The following GRIN1 variants were observed in gnomAD, a reference collection of about 807,000 sequenced individuals.
GRIN1 encodes the protein glutamate receptor ionotropic, NMDA 1.
A neutral mutation model predicts 103.0 loss-of-function variants in GRIN1; 38 were observed. That is an observed-to-expected ratio of 0.37 (90% CI 0.28 to 0.48). The LOEUF is 0.48. GRIN1 is among the 20% of genes least tolerant of loss of function. The pLI is 0.98. For synonymous variants in GRIN1, 544 were observed against 532.7 expected (o/e 1.02, Z -0.29); for missense variants, 577 against 1,288.9 (o/e 0.45, Z 8.46).
intron 2 of GRIN1, 44 bp downstream of exon 2, chr9:137,142,191 G>A (rs1832214826): frequency 6.2e-7 from 1 of 1,609,948 alleles, no homozygotes; most frequent in East Asian, 2.2e-5. Flanking sequence ...CTCGGCCCCA[G>A]GGCACAGCCT....
rs1030721762 is a variant in GRIN1 at position 137,139,410 on chromosome 9, G to A, written c.-77G>A. On this transcript the variant is annotated 5_prime_UTR_variant, in exon 1 of 20. Transcript: ENST00000371561. The surrounding 1 kb of genome is among the most constrained non-coding windows in gnomAD (Gnocchi z 7.7). ...CCGCGGGGCCGGGCGAGCGCAGGAC[G>A]GCCCGGAAGCCCCGCGGGGGATGCG... 1.2e-5 allele frequency: 13 copies of A among 1,082,180 alleles called. No individual in the cohort carries two copies. The highest frequency in any genetic ancestry group is 1.7e-5 in the African/African-American group (1 of 60,300). The allele number at this position is 1,082,180 out of a possible 1,614,324, so 67.0% of individuals were successfully genotyped here.
Position 137,163,348 on chromosome 9 carries a change from C to G in GRIN1, c.2333+18C>G. On this transcript the variant is annotated intron_variant, in intron 16 of 19. Transcript: ENST00000371561. ...ATCCTCAAGTGAGTGTCCGTGCGCC[C>G]GCGTCCCTCCTCCGCCCCTCTCCGC... 1 of 1,612,648 alleles carries G rather than the reference C, an allele frequency of 6.2e-7. No individual in the cohort carries two copies. The highest frequency in any genetic ancestry group is 1.1e-5 in the South Asian group (1 of 91,080).
chr9:137,142,327 C>T (rs2131197942), intron 2 of GRIN1, among the ~76,000 whole-genome samples, 180 bp downstream of exon 2: 1 of 152,382 alleles, frequency 6.6e-6, no homozygotes, highest in African/African-American at 2.4e-5. Context: ...CATCTGCAAA[C>T]ATGCTCACAT....
intron 6 of GRIN1, 21 bp downstream of exon 6, chr9:137,157,058 G>T (rs1313731783): frequency 1.3e-6 from 2 of 1,596,060 alleles, no homozygotes; most frequent in South Asian, 2.2e-5. Context: ...CCTCCCCGGA[G>T]CTGGGCGGGG....
chr9:137,163,848 C>A lies in GRIN1; in HGVS notation c.2533C>A (p.Arg845=). The change falls in exon 18 of 20, where the codon CGG becomes AGG. Residue 845 remains arginine, a synonymous_variant. Transcript: ENST00000371561. The part of the protein sequence containing the change: ...IAYKRHKDAR[R]KQMQLAFAAV... ...CTACAAGCGGCACAAGGATGCTCGCCGGAAGCAGATGCAGCTGGCCTTTGC... is the reference window on the plus strand; with the variant it reads ...CTACAAGCGGCACAAGGATGCTCGCAGGAAGCAGATGCAGCTGGCCTTTGC... 5 of 1,613,066 alleles carry A rather than the reference C, an allele frequency of 3.1e-6. No individual in the cohort carries two copies. The highest frequency in any genetic ancestry group is 4.2e-6 in the Non-Finnish European group (5 of 1,179,972).
intron 5 of GRIN1, 32 bp downstream of exon 5, chr9:137,156,822 C>A (rs1206101667): frequency 1.2e-6 from 2 of 1,603,858 alleles, no homozygotes; most frequent in Non-Finnish European, 8.5e-7. Flanking sequence ...GGTCCCCGAA[C>A]GGGGAGGACC....
intron 18 of GRIN1, chr9:137,164,307 C>T: frequency 3.2e-6 from 1 of 316,662 alleles, no homozygotes; most frequent in South Asian, 2.8e-5. Context: ...TTCGGAGACC[C>T]CCCCCTTTCC....
chr9:137,151,302 T>G (rs1036967645), intron 4 of GRIN1, among the ~76,000 whole-genome samples: 30 of 96,490 alleles, frequency 3.1e-4, no homozygotes, highest in South Asian at 7.2e-4. Flanking sequence ...AGGAAAAAGC[T>G]CTGGCCAGAT....
chr9:137,148,249 TA>T (rs1832657889), intron 3 of GRIN1: 5 of 1,452,436 alleles, frequency 3.4e-6, no homozygotes, highest in African/African-American at 1.4e-5. Flanking sequence ...CACCCACGGC[TA>T]GGGAGCCCTG....
At chr9:137,163,028 CG>C in intron 15 of GRIN1, 25 bp downstream of exon 15, 1 of 1,040,438 alleles carries the variant, frequency 9.6e-7, no homozygotes. Flanking sequence ...GCCACCCTGG[CG>C]GGGCGGGACA....
At chr9:137,165,696 T>C (rs968395136) in intron 19 of GRIN1, among the ~76,000 whole-genome samples, 54 of 152,288 alleles carry the variant, frequency 3.5e-4, no homozygotes, top group African/African-American at 1.3e-3. Context: ...ACTTCTCTGT[T>C]ATGTCCCCGT....
intron 18 of GRIN1, 197 bp downstream of exon 18, chr9:137,164,101 C>A: frequency 1.5e-6 from 1 of 686,742 alleles, no homozygotes; most frequent in Non-Finnish European, 2.6e-6. Context: ...GGTGGCTGCC[C>A]ACTGCAAAGC....
intron 2 of GRIN1, 34 bp from the exon 3 acceptor site, chr9:137,145,691 TC>T: frequency 1.3e-6 from 2 of 1,587,556 alleles, no homozygotes; most frequent in African/African-American, 2.7e-5. Context: ...TCCCCGCGGG[TC>T]CACCTCAGCC....
At chr9:137,147,973 C>T (rs572689784) in intron 3 of GRIN1, among the ~76,000 whole-genome samples, 4 of 152,200 alleles carry the variant, frequency 2.6e-5, no homozygotes, top group South Asian at 2.1e-4. Context: ...ACGACCCTCA[C>T]CCCCAGCTCC....
At chr9:137,160,887 C>G (rs1439418359) in intron 8 of GRIN1, among the ~76,000 whole-genome samples, 169 bp from the exon 9 acceptor site, 1 of 152,080 alleles carries the variant, frequency 6.6e-6, no homozygotes, top group Admixed American at 6.5e-5. Context: ...CACTTGGGCT[C>G]GTGAAGAAGC....
At chr9:137,161,234 G>A (rs1344670341) in intron 9 of GRIN1, 37 bp downstream of exon 9, 1 of 1,608,748 alleles carries the variant, frequency 6.2e-7, no homozygotes, top group Non-Finnish European at 8.5e-7. Flanking sequence ...CGCGGGGCAG[G>A]GCGCGGGGCG....
intron 19 of GRIN1, among the ~76,000 whole-genome samples, chr9:137,165,899 G>A (rs1225305539): frequency 1.3e-5 from 2 of 152,224 alleles, no homozygotes; most frequent in Non-Finnish European, 2.9e-5. Context: ...GCCGGGGGCT[G>A]GGGGCCGGGC....
chr9:137,139,888 C>A lies in GRIN1; in HGVS notation c.258+144C>A. The A allele has an allele frequency of 1.4e-6, 1 of 702,356 alleles. No individual in the cohort carries two copies. Among genetic ancestry groups the A allele is most frequent in the South Asian group, 1.7e-5 (1 of 60,310 alleles). The allele number at this position is 702,356 out of a possible 1,614,324, so 43.5% of individuals were successfully genotyped here. A position where few individuals can be genotyped will look rare whatever the true frequency, so the allele number is the denominator to read the frequency against. Reference sequence around the variant, plus strand: ...TCAGCTGGCTGCTTCCGGGAGGCCTCGTCTCACTAGGAACCAAACACCAGG... The same window carrying A: ...TCAGCTGGCTGCTTCCGGGAGGCCTAGTCTCACTAGGAACCAAACACCAGG... On this transcript the variant is annotated intron_variant, in intron 1 of 19. Coordinates refer to ENST00000371561, the MANE Select transcript of GRIN1 (RefSeq NM_007327.4). This position sits in a 1 kb window ranked among gnomAD's most constrained non-coding sequence, Gnocchi z 7.7.
chr9:137,146,085 G>A lies in GRIN1; in HGVS notation c.570+183G>A, dbSNP rs569478652. ...ATTTCACTCGCTTTTGCCATTAGTC[G>A]AAATCTCCTTCGTGTCAGTCCCTGC... is the stretch of plus-strand genomic sequence containing the variant. On this transcript the variant is annotated intron_variant, in intron 3 of 19. Coordinates refer to ENST00000371561, the MANE Select transcript of GRIN1 (RefSeq NM_007327.4). The surrounding 1 kb of genome is among the most constrained non-coding windows in gnomAD (Gnocchi z 6.7). Among the ~76,000 whole-genome samples the A allele has an allele frequency of 1.3e-5, 2 of 152,200 alleles. No individual in the cohort carries two copies. The highest frequency in any genetic ancestry group is 2.9e-5 in the Non-Finnish European group (2 of 67,992).
Sources: allele counts gnomAD v4.1 joint callset (sites outside exome capture counted in the v4.1 genomes callset), GRCh38; gene constraint gnomAD v4.1.1; non-coding constraint Gnocchi (gnomAD v3.1); transcripts MANE v1.5; gene names NCBI Gene and HGNC (gene_info 2026-07-23, HGNC 2026-07-21).